The following E2F3 variants were observed in gnomAD, a reference collection of about 807,000 sequenced individuals.
E2F3 encodes the protein E2F transcription factor 3, also known as transcription factor E2F3.
E2F3 carries 11 observed loss-of-function variants against 44.4 expected under a neutral mutation model. The observed-to-expected ratio is 0.25, with a 90% CI of 0.16 to 0.41. The LOEUF is 0.41. Ranked by LOEUF, E2F3 falls within the 10% of genes least tolerant of loss-of-function variation. E2F3 has a pLI of 1.00. For missense variants in E2F3, 487 were observed against 583.6 expected (o/e 0.83, Z 1.70); for synonymous variants, 249 against 253.0 (o/e 0.98, Z 0.15).
chr6:20,482,217 A>G (rs1762247164), intron 3 of E2F3, among the ~76,000 whole-genome samples: 1 of 152,108 alleles, frequency 6.6e-6, no homozygotes, highest in Non-Finnish European at 1.5e-5. Flanking sequence ...ATTGTGCACT[A>G]GTCTCAGTTC....
intron 1 of E2F3, among the ~76,000 whole-genome samples, chr6:20,450,340 T>C (rs1038792532): frequency 1.3e-5 from 2 of 152,216 alleles, no homozygotes; most frequent in African/African-American, 2.4e-5. Flanking sequence ...TGGTATCTCA[T>C]TGTGGTTTTG....
intron 1 of E2F3, among the ~76,000 whole-genome samples, chr6:20,417,611 A>G (rs1199285667): frequency 6.6e-6 from 1 of 150,880 alleles, no homozygotes; most frequent in African/African-American, 2.4e-5. Context: ...AAAGGCCCAG[A>G]TCAGACTGGC....
In E2F3 at chr6:20,402,036, C is replaced by A; in HGVS notation, c.-197C>A. ...CCGTGCGGCCGGGACCCTCCTCTCT[C>A]CAGAGCCCCGATTATTTTTGGCCCC... On this transcript the variant is annotated 5_prime_UTR_variant, in exon 1 of 7. Transcript: ENST00000346618. This position sits in a 1 kb window ranked among gnomAD's most constrained non-coding sequence, Gnocchi z 5.6. 1 of 977,466 alleles carries A rather than the reference C, an allele frequency of 1.0e-6. No individual in the cohort carries two copies. Among genetic ancestry groups the A allele is most frequent in the Non-Finnish European group, 1.4e-6 (1 of 713,526 alleles). The allele number at this position is 977,466 out of a possible 1,614,324, so 60.5% of individuals were successfully genotyped here.
chr6:20,425,340 G>C (rs1237483907), intron 1 of E2F3, among the ~76,000 whole-genome samples: 2 of 151,968 alleles, frequency 1.3e-5, no homozygotes, highest in Non-Finnish European at 2.9e-5. Context: ...TTCAGAATGG[G>C]GCAGTAGGCT....
At chr6:20,473,941 C>T (rs561260713) in intron 1 of E2F3, among the ~76,000 whole-genome samples, 1 of 152,262 alleles carries the variant, frequency 6.6e-6, no homozygotes, top group South Asian at 2.1e-4. Context: ...TGATCAGTCT[C>T]AAGTCTTGTC....
At position 20,477,148 on chromosome 6, in the gene E2F3, T is replaced by C. The variant is rs371362406; in HGVS notation, c.394-2698T>C. ...AGCCTGTTGTTTGGGGTTTTCATTA[T>C]TATTTTAGTGATGGGGGGTCTTGCT... is the stretch of plus-strand genomic sequence containing the variant. On this transcript the variant is annotated intron_variant, in intron 1 of 6. Coordinates refer to ENST00000346618, the MANE Select transcript of E2F3 (RefSeq NM_001949.5). Among the ~76,000 whole-genome samples the C allele has an allele frequency of 1.5e-4, 23 of 152,126 alleles. No individual in the cohort carries two copies. In the East Asian group the frequency reaches 1.9e-3, roughly 13 times the overall value.
At chr6:20,446,773 G>A (rs1293595913) in intron 1 of E2F3, among the ~76,000 whole-genome samples, 1 of 152,066 alleles carries the variant, frequency 6.6e-6, no homozygotes, top group Non-Finnish European at 1.5e-5. Context: ...TCACCATGTT[G>A]GCCAGGCTGG....
chr6:20,464,014 T>C (rs1761617446), intron 1 of E2F3, among the ~76,000 whole-genome samples: 1 of 152,204 alleles, frequency 6.6e-6, no homozygotes, highest in South Asian at 2.1e-4. Context: ...TAAAGGATAT[T>C]ACAAAGGGTA....
intron 1 of E2F3, chr6:20,403,842 C>A (rs893466122): frequency 2.0e-6 from 3 of 1,464,222 alleles, no homozygotes; most frequent in Admixed American, 2.2e-5. Flanking sequence ...GGTTAGTGAC[C>A]GGGACGGCTC....
chr6:20,407,269 C>T (rs1759523681), intron 1 of E2F3, among the ~76,000 whole-genome samples: 1 of 152,144 alleles, frequency 6.6e-6, no homozygotes, highest in Non-Finnish European at 1.5e-5. Context: ...TAATGCAGTG[C>T]CCAGACTTGG....
chr6:20,406,955 T>C (rs1359362569), intron 1 of E2F3, among the ~76,000 whole-genome samples: 2 of 152,200 alleles, frequency 1.3e-5, no homozygotes, highest in African/African-American at 4.8e-5. Context: ...GCTGAAATTA[T>C]TTTATTCTAG....
intron 1 of E2F3, among the ~76,000 whole-genome samples, chr6:20,465,836 T>G (rs1761684450): frequency 6.6e-6 from 1 of 152,222 alleles, no homozygotes; most frequent in African/African-American, 2.4e-5. Flanking sequence ...AGTTTCTTTA[T>G]CCACTTGTTG....
intron 1 of E2F3, among the ~76,000 whole-genome samples, chr6:20,434,259 A>G (rs1211510985): frequency 6.6e-6 from 1 of 152,242 alleles, no homozygotes; most frequent in African/African-American, 2.4e-5. Flanking sequence ...GTTGTGGTAT[A>G]AGAAAAGGGA....
intron 1 of E2F3, among the ~76,000 whole-genome samples, chr6:20,411,666 G>A (rs1009422778): frequency 3.3e-5 from 5 of 152,262 alleles, no homozygotes; most frequent in East Asian, 1.9e-4. Flanking sequence ...GTGTTTGCTC[G>A]TAGCTTCTCC....
chr6:20,402,748 G>T lies in E2F3; in HGVS notation c.393+123G>T. The T allele has an allele frequency of 8.0e-7, 1 of 1,247,632 alleles. No homozygotes were observed. Among genetic ancestry groups the T allele is most frequent in the Non-Finnish European group, 1.0e-6 (1 of 997,502 alleles). The allele number at this position is 1,247,632 out of a possible 1,614,324, so 77.3% of individuals were successfully genotyped here. The stretch of plus-strand genomic sequence containing the variant: ...TGGGCCGAGCATCGTGGGCCTCGGG[G>T]GCTGCCCCTCCAACGAGGGTTCATT... On this transcript the variant is annotated intron_variant, in intron 1 of 6. Transcript: ENST00000346618. The surrounding 1 kb of genome is among the most constrained non-coding windows in gnomAD (Gnocchi z 5.6).
chr6:20,427,405 A>G (rs1760250510), intron 1 of E2F3, among the ~76,000 whole-genome samples: 1 of 152,222 alleles, frequency 6.6e-6, no homozygotes, highest in African/African-American at 2.4e-5. Flanking sequence ...AAATCTGCTT[A>G]GGGAAGAAGG....
intron 1 of E2F3, among the ~76,000 whole-genome samples, chr6:20,463,329 G>C (rs1212475468): frequency 6.6e-6 from 1 of 152,158 alleles, no homozygotes; most frequent in East Asian, 1.9e-4. Context: ...TAGGAGGATA[G>C]CTTGAAGCCA....
chr6:20,436,719 G>A (rs1427162720), intron 1 of E2F3, among the ~76,000 whole-genome samples: 5 of 152,162 alleles, frequency 3.3e-5, no homozygotes, highest in African/African-American at 1.2e-4. Context: ...ATGAGAACAC[G>A]CTGCCTGGGA....
intron 1 of E2F3, among the ~76,000 whole-genome samples, chr6:20,435,624 G>A (rs930359405): frequency 3.9e-5 from 6 of 152,094 alleles, no homozygotes; most frequent in East Asian, 3.9e-4. Context: ...GGTGGCGCAC[G>A]CCTGTAGTCC....
Sources: gnomAD v4.1 joint callset for allele counts (sites outside exome capture counted in the v4.1 genomes callset) on GRCh38, gnomAD v4.1.1 for gene constraint, Gnocchi (gnomAD v3.1) non-coding constraint, MANE v1.5 for transcripts, NCBI Gene and HGNC (gene_info 2026-07-23, HGNC 2026-07-21) for gene names.